The following SORCS1 variants were observed in gnomAD, a reference collection of about 807,000 sequenced individuals.
SORCS1 encodes sortilin related VPS10 domain containing receptor 1.
A neutral mutation model predicts 146.1 loss-of-function variants in SORCS1; 60 were observed. The observed-to-expected ratio is 0.41, with a 90% CI of 0.33 to 0.51. SORCS1 has a LOEUF of 0.51. Ranked by LOEUF, SORCS1 falls within the 20% of genes least tolerant of loss-of-function variation. The pLI, the probability that SORCS1 is intolerant of heterozygous loss-of-function variation, is 0.21. For synonymous variants in SORCS1, 637 were observed against 584.0 expected (o/e 1.09, Z -1.31); for missense variants, 1,352 against 1,487.6 (o/e 0.91, Z 1.50).
At chr10:106,780,722 T>G (rs935113317) in intron 3 of SORCS1, among the ~76,000 whole-genome samples, 3 of 152,138 alleles carry the variant, frequency 2.0e-5, no homozygotes, top group Admixed American at 1.3e-4. Flanking sequence ...AGGAAAGTAA[T>G]TATTCCCTGT....
intron 4 of SORCS1, among the ~76,000 whole-genome samples, chr10:106,765,353 A>T (rs1859486151): frequency 6.6e-6 from 1 of 150,440 alleles, no homozygotes; most frequent in Non-Finnish European, 1.5e-5. Context: ...CTCTATCCTG[A>T]CATGTTCCTC....
intron 1 of SORCS1, among the ~76,000 whole-genome samples, chr10:107,040,239 C>T (rs1433755718): frequency 1.3e-5 from 2 of 151,976 alleles, no homozygotes; most frequent in South Asian, 2.1e-4. Context: ...AACTAATGGC[C>T]CAGGGTTTTG....
At chr10:106,898,112 C>T (rs1355418173) in intron 2 of SORCS1, among the ~76,000 whole-genome samples, 2 of 152,218 alleles carry the variant, frequency 1.3e-5, no homozygotes, top group Admixed American at 6.5e-5. Flanking sequence ...AAGAGCAATG[C>T]CGTGGTTGTA....
chr10:106,715,935 T>C (rs1855337359), intron 6 of SORCS1, among the ~76,000 whole-genome samples: 1 of 152,038 alleles, frequency 6.6e-6, no homozygotes, highest in Non-Finnish European at 1.5e-5. Context: ...GTATTTTTAG[T>C]AGAGACAGGG....
intron 24 of SORCS1, among the ~76,000 whole-genome samples, chr10:106,589,357 A>G (rs563678247): frequency 6.6e-6 from 1 of 152,292 alleles, no homozygotes; most frequent in African/African-American, 2.4e-5. Flanking sequence ...ACAGGTTTTC[A>G]AGTCATTTCC....
intron 6 of SORCS1, among the ~76,000 whole-genome samples, chr10:106,711,864 C>G (rs1855017002): frequency 6.6e-6 from 1 of 152,204 alleles, no homozygotes; most frequent in Non-Finnish European, 1.5e-5. Context: ...CAATTTTACA[C>G]TCCACCAGAC....
chr10:107,089,585 A>G (rs1321440130), intron 1 of SORCS1, among the ~76,000 whole-genome samples: 2 of 152,192 alleles, frequency 1.3e-5, no homozygotes, highest in Non-Finnish European at 1.5e-5. Flanking sequence ...CACAGAGCCA[A>G]ACCTTGAACA....
intron 5 of SORCS1, among the ~76,000 whole-genome samples, chr10:106,730,692 A>G (rs1856532643): frequency 6.6e-6 from 1 of 152,236 alleles, no homozygotes; most frequent in African/African-American, 2.4e-5. Context: ...ATGTGTAAGC[A>G]AAATAAAAGC....
At chr10:106,617,483 A>G (rs1847452453) in intron 21 of SORCS1, among the ~76,000 whole-genome samples, 1 of 150,332 alleles carries the variant, frequency 6.7e-6, no homozygotes, top group South Asian at 2.2e-4. Context: ...AGATTTACCA[A>G]AATGAAATCA....
intron 1 of SORCS1, among the ~76,000 whole-genome samples, chr10:106,987,485 A>T (rs2139423289): frequency 6.6e-6 from 1 of 152,276 alleles, no homozygotes; most frequent in South Asian, 2.1e-4. Flanking sequence ...CACAATCTCT[A>T]GCTACTCTGG....
At chr10:106,792,475 G>A (rs986137280) in intron 3 of SORCS1, among the ~76,000 whole-genome samples, 7 of 152,186 alleles carry the variant, frequency 4.6e-5, no homozygotes, top group Non-Finnish European at 7.4e-5. Context: ...TGTTAATTAG[G>A]ATATTCCAAC....
chr10:106,579,168 C>T, intron 25 of SORCS1: 3 of 1,614,102 alleles, frequency 1.9e-6, no homozygotes, highest in Non-Finnish European at 2.5e-6. Flanking sequence ...ATTGGGCCTG[C>T]TTTCAGAGTG....
intron 25 of SORCS1, chr10:106,578,705 A>G: frequency 2.8e-6 from 3 of 1,079,950 alleles, no homozygotes; most frequent in Non-Finnish European, 3.4e-6. Flanking sequence ...TAGTCAATAC[A>G]TACCATGTCC....
At chr10:107,084,538 G>A (rs1264926710) in intron 1 of SORCS1, among the ~76,000 whole-genome samples, 1 of 152,066 alleles carries the variant, frequency 6.6e-6, no homozygotes, top group East Asian at 1.9e-4. Context: ...AAAGAGGGGA[G>A]AGAGAAGAGA....
At chr10:106,619,718 T>C (rs1277425799) in intron 20 of SORCS1, among the ~76,000 whole-genome samples, 1 of 152,122 alleles carries the variant, frequency 6.6e-6, no homozygotes, top group Non-Finnish European at 1.5e-5. Context: ...CTGGAAGAGA[T>C]CAAAGCAAAC....
intron 1 of SORCS1, among the ~76,000 whole-genome samples, chr10:107,051,814 T>C (rs989730090): frequency 1.3e-5 from 2 of 152,180 alleles, no homozygotes; most frequent in African/African-American, 4.8e-5. Flanking sequence ...CGCTAATTCA[T>C]GAAAGGGCTG....
At chr10:106,621,478 T>C (rs1315305279) in intron 19 of SORCS1, among the ~76,000 whole-genome samples, 1 of 151,680 alleles carries the variant, frequency 6.6e-6, no homozygotes, top group Non-Finnish European at 1.5e-5. Context: ...CAGAGTCCTG[T>C]GTTGAGACTT....
chr10:106,822,852 C>T (rs932146252), intron 3 of SORCS1, among the ~76,000 whole-genome samples: 4 of 142,132 alleles, frequency 2.8e-5, no homozygotes, highest in East Asian at 4.3e-4. Flanking sequence ...ATGATCTCGG[C>T]TCACCACAAC....
In SORCS1 at chr10:107,017,896, T is replaced by C. The variant is rs146612524; in HGVS notation, c.559-61316A>G. The stretch of plus-strand genomic sequence containing the variant: ...AGTCAGGCTAGTCTTGAACTCCTGA[T>C]CTCAAGTGATCCACCAGCCTTGGCC... On this transcript the variant is annotated intron_variant, in intron 1 of 25. Transcript: ENST00000263054. 2.6e-3 allele frequency among the ~76,000 whole-genome samples: 399 copies of C among 152,186 alleles called. 1 individual carries two copies. Among genetic ancestry groups the C allele is most frequent in the African/African-American group, 7.6e-3 (316 of 41,546 alleles).
Sources: allele counts gnomAD v4.1 joint callset (sites outside exome capture counted in the v4.1 genomes callset), GRCh38; gene constraint gnomAD v4.1.1; transcripts MANE v1.5; gene names NCBI Gene and HGNC (gene_info 2026-07-23, HGNC 2026-07-21).